The following WWP2 variants were observed in gnomAD, a reference collection of about 807,000 sequenced individuals.
The protein encoded by WWP2 is NEDD4-like E3 ubiquitin-protein ligase WWP2.
WWP2 carries 57 observed loss-of-function variants against 121.0 expected under a neutral mutation model. That is an observed-to-expected ratio of 0.47 (90% CI 0.38 to 0.59). The LOEUF (loss-of-function observed/expected upper bound fraction) is 0.59. WWP2 is among the 20% of genes least tolerant of loss of function. WWP2 has a pLI of 0.00. For synonymous variants in WWP2, 449 were observed against 441.3 expected (o/e 1.02, Z -0.22); for missense variants, 962 against 1,158.9 (o/e 0.83, Z 2.47).
At chr16:69,923,936 G>A (rs1249675154) in intron 10 of WWP2, among the ~76,000 whole-genome samples, 2 of 151,386 alleles carry the variant, frequency 1.3e-5, no homozygotes, top group Non-Finnish European at 2.9e-5. Context: ...ACGCCCCCAT[G>A]ACTTGGAATT....
At chr16:69,764,189 A>C (rs1412411902) in intron 1 of WWP2, among the ~76,000 whole-genome samples, 1 of 152,204 alleles carries the variant, frequency 6.6e-6, no homozygotes, top group Non-Finnish European at 1.5e-5. Context: ...TTATTGACAC[A>C]ATAGAAAATT....
At chr16:69,778,128 T>TAC (rs1212651667) in intron 1 of WWP2, among the ~76,000 whole-genome samples, 128 of 143,878 alleles carry the variant, frequency 8.9e-4, no homozygotes, top group African/African-American at 1.0e-3. Flanking sequence ...TACACATAGA[T>TAC]ACACACACAC....
intron 6 of WWP2, among the ~76,000 whole-genome samples, chr16:69,857,532 T>C (rs1031025843): frequency 6.6e-6 from 1 of 152,210 alleles, no homozygotes; most frequent in South Asian, 2.1e-4. Context: ...CAAGAGCTCA[T>C]TGACTGGCTC....
At chr16:69,932,857 G>A (rs1016291162) in intron 16 of WWP2, among the ~76,000 whole-genome samples, 4 of 152,218 alleles carry the variant, frequency 2.6e-5, no homozygotes, top group East Asian at 1.9e-4. Flanking sequence ...GAAGGGCCCC[G>A]GCAGAGAGAG....
At chr16:69,909,475 C>T (rs775421511) in intron 9 of WWP2, 33 of 985,334 alleles carry the variant, frequency 3.3e-5, no homozygotes, top group Non-Finnish European at 4.0e-5. Flanking sequence ...CTGTTTGGTT[C>T]AGCTGTCAGG....
intron 6 of WWP2, among the ~76,000 whole-genome samples, chr16:69,847,679 A>T (rs904169239): frequency 6.6e-6 from 1 of 152,076 alleles, no homozygotes; most frequent in Admixed American, 6.5e-5. Context: ...AAGTGCTGGG[A>T]TTACAGCTGT....
chr16:69,937,449 A>G lies in WWP2; in HGVS notation c.2239-99A>G. 1 of 1,408,904 alleles carries G rather than the reference A, an allele frequency of 7.1e-7. No homozygotes were observed. 87.3% of individuals were successfully genotyped at this position (1,408,904 alleles called of 1,614,324 possible). On this transcript the variant is annotated intron_variant, in intron 20 of 23. Coordinates refer to ENST00000359154, the MANE Select transcript of WWP2 (RefSeq NM_001270454.2). The surrounding 1 kb of genome is among the most constrained non-coding windows in gnomAD (Gnocchi z 6.6). ...CATATTATTAACGCTGACACCAAAA[A>G]TAGCTAGTTGAATATGTTTGGGGTA...
chr16:69,808,555 C>T (rs2056326782), intron 4 of WWP2, among the ~76,000 whole-genome samples: 1 of 152,206 alleles, frequency 6.6e-6, no homozygotes, highest in Non-Finnish European at 1.5e-5. Flanking sequence ...GCACCTGCCA[C>T]CATGCGTGGC....
intron 8 of WWP2, among the ~76,000 whole-genome samples, chr16:69,897,181 C>A (rs112010752): frequency 3.3e-5 from 5 of 151,954 alleles, no homozygotes; most frequent in African/African-American, 1.2e-4. Context: ...CAGCTCACTG[C>A]AGCCTTGACC....
intron 9 of WWP2, chr16:69,910,366 A>G (rs2058360942): frequency 1.0e-6 from 1 of 983,408 alleles, no homozygotes; most frequent in African/African-American, 1.8e-5. Flanking sequence ...TACTTTGTGT[A>G]CTTTATAACA....
chr16:69,796,631 A>G (rs1006221364), intron 2 of WWP2, among the ~76,000 whole-genome samples: 2 of 152,218 alleles, frequency 1.3e-5, no homozygotes, highest in Non-Finnish European at 2.9e-5. Flanking sequence ...CGTCCTAAGT[A>G]ATGCACCATT....
intron 9 of WWP2, among the ~76,000 whole-genome samples, chr16:69,916,061 A>C (rs2058475755): frequency 6.6e-6 from 1 of 152,048 alleles, no homozygotes; most frequent in African/African-American, 2.4e-5. Context: ...ATCTTTGGTA[A>C]CAAAAATAAA....
chr16:69,887,169 C>T (rs569022816), intron 7 of WWP2, among the ~76,000 whole-genome samples: 2 of 152,298 alleles, frequency 1.3e-5, no homozygotes, highest in South Asian at 4.1e-4. Flanking sequence ...TGTTTCACTT[C>T]TGTCTCATTG....
In WWP2 at chr16:69,843,107, TG is replaced by T. The variant is rs113070976; in HGVS notation, c.575+988del. On this transcript the variant is annotated intron_variant, in intron 6 of 23. Transcript: ENST00000359154. ...TGAACAGGAAACTTGACTGCTTTTT[TG>T]TATGTCCGGGGCTGCAGCCACAGTT... Among the ~76,000 whole-genome samples, 141 of 152,260 alleles carry T rather than the reference TG, an allele frequency of 9.3e-4. 2 individuals carry two copies. The highest frequency in any genetic ancestry group is 3.2e-3 in the African/African-American group (132 of 41,556).
rs559389326 is a variant in WWP2 at position 69,917,112 on chromosome 16, G to C, written c.1005-597G>C. Among the ~76,000 whole-genome samples the C allele has an allele frequency of 2.0e-5, 3 of 152,344 alleles. No homozygotes were observed. The South Asian group carries it at 6.2e-4, about 32-fold the overall frequency. ...TGAGTTTCAGTTGCAAGTAACAAAA[G>C]TTGTTAGCAACATTGGCTTAAATAA... is the stretch of plus-strand genomic sequence containing the variant. On this transcript the variant is annotated intron_variant, in intron 9 of 23. Coordinates refer to ENST00000359154, the MANE Select transcript of WWP2 (RefSeq NM_001270454.2).
In WWP2 at chr16:69,934,132, A is replaced by G. The variant is rs2058760643; in HGVS notation, c.1842+3A>G. 2.5e-6 allele frequency: 4 copies of G among 1,614,044 alleles called. No homozygotes were observed. In the East Asian group the frequency reaches 8.9e-5, roughly 36 times the overall value. ...TTATAGGCAGATTCATCGCCATGGT[A>G]AGGGGGCCCCAGGGGTCTGCCTAGT... On this transcript the variant is annotated splice_donor_region_variant and intron_variant, in intron 17 of 23. Transcript: ENST00000359154.
In WWP2 at chr16:69,939,944, A is replaced by G; in HGVS notation, c.*4A>G. 2 of 1,612,092 alleles carry G rather than the reference A, an allele frequency of 1.2e-6. No individual in the cohort carries two copies. Among genetic ancestry groups the G allele is most frequent in the Non-Finnish European group, 1.7e-6 (2 of 1,179,080 alleles). On this transcript the variant is annotated 3_prime_UTR_variant, in exon 24 of 24. Coordinates refer to ENST00000359154, the MANE Select transcript of WWP2 (RefSeq NM_001270454.2). ...CGAGGGCTTTGGACAGGAGTAACCG[A>G]GGCCGCCCCTCCCACGCCCCCCAGC...
At position 69,858,823 on chromosome 16, in the gene WWP2, A is replaced by G. The variant is rs547704385; in HGVS notation, c.576-12981A>G. Among the ~76,000 whole-genome samples the G allele has an allele frequency of 6.6e-5, 10 of 152,304 alleles. No homozygotes were observed. In the South Asian group the frequency reaches 2.1e-3, roughly 32 times the overall value. On this transcript the variant is annotated intron_variant, in intron 6 of 23. Transcript: ENST00000359154. ...GAATAGGTAATATCTCATTTATACT[A>G]GGTGTTCAAATTCCCAAGTGATTAT... is the stretch of plus-strand genomic sequence containing the variant.
At chr16:69,817,373 C>T (rs1567682594) in intron 4 of WWP2, among the ~76,000 whole-genome samples, 2 of 152,176 alleles carry the variant, frequency 1.3e-5, no homozygotes, top group East Asian at 1.9e-4. Context: ...CTTAGCCTCC[C>T]GAATAGTTGG....
Sources: allele counts gnomAD v4.1 joint callset (sites outside exome capture counted in the v4.1 genomes callset), GRCh38; gene constraint gnomAD v4.1.1; non-coding constraint Gnocchi (gnomAD v3.1); transcripts MANE v1.5; gene names NCBI Gene and HGNC (gene_info 2026-07-23, HGNC 2026-07-21).